The following FREM3 variants were observed in gnomAD, a reference collection of about 807,000 sequenced individuals.
The protein encoded by FREM3 is FRAS1 related extracellular matrix 3.
In FREM3, 105 loss-of-function variants were observed where a neutral mutation model predicts 129.1. The ratio of observed to expected loss-of-function variants is 0.81; its 90% CI spans 0.69 to 0.96. The LOEUF is 0.96. Among genes scored for constraint, FREM3 ranks in the 40% least tolerant of loss-of-function variants. The pLI, the probability that FREM3 is intolerant of heterozygous loss-of-function variation, is 0.00. For synonymous variants in FREM3, 1,014 were observed against 1,044.9 expected, an observed-to-expected ratio of 0.97 and a Z score of 0.57; for missense variants, 2,593 against 2,666.3, an observed-to-expected ratio of 0.97 and a Z score of 0.61.
Position 143,698,120 on chromosome 4 carries a change from C to A in FREM3, c.2556G>T (p.Leu852=). 6.5e-7 allele frequency: 1 copy of A among 1,537,452 alleles called. No homozygotes were observed. The highest frequency in any genetic ancestry group is 1.2e-5 in the South Asian group (1 of 84,060). Residue 852 remains leucine, a synonymous_variant, in exon 1 of 8, where the codon CTG becomes CTT. Transcript: ENST00000329798. ...TGTCTGTGTCTGGGTCTGTAACATG[C>A]AGCTCATTACTGCTGAGGTTAAAGC... is the stretch of plus-strand genomic sequence containing the variant. ...GGSFNLSSNE[L]HVTDPDTDID...
In FREM3 at chr4:143,618,022, A is replaced by G. The variant is rs150455266; in HGVS notation, c.5779+3015T>C. 1.2e-4 allele frequency among the ~76,000 whole-genome samples: 19 copies of G among 152,354 alleles called. No homozygotes were observed. In the East Asian group the frequency reaches 3.7e-3, roughly 29 times the overall value. ...AGTCTCTTAGATGTGAATGAAAGAG[A>G]TGAGATGGTAAACAGCCCAGTTGAA... On this transcript the variant is annotated intron_variant, in intron 5 of 7. Coordinates refer to ENST00000329798, the MANE Select transcript of FREM3 (RefSeq NM_001168235.2).
In FREM3 at chr4:143,698,714, T is replaced by C; in HGVS notation, c.1962A>G (p.Arg654=). The C allele has an allele frequency of 6.5e-7, 1 of 1,536,962 alleles. No homozygotes were observed. Among genetic ancestry groups the C allele is most frequent in the Non-Finnish European group, 8.7e-7 (1 of 1,146,860 alleles). Residue 654 remains arginine (R), a synonymous_variant, in exon 1 of 8, where the codon AGA becomes AGG. Coordinates refer to ENST00000329798, the MANE Select transcript of FREM3 (RefSeq NM_001168235.2). ...EWLQRDIMEG[R]LFYRHLGPHS... The stretch of plus-strand genomic sequence containing the variant: ...GTGGTCCAAGATGGCGGTAGAAGAG[T>C]CTCCCTTCCATTATGTCTCTCTGTA...
In FREM3 at chr4:143,695,586, T is replaced by C; in HGVS notation, c.5090A>G (p.His1697Arg). Residue 1697 changes from histidine to arginine, a missense_variant, in exon 1 of 8, where the codon CAC (histidine) becomes CGC (arginine). Around this residue, in one of 2 missense-constraint regions of FREM3, gnomAD observed 2,276 missense variants for 2,267.2 expected, o/e 1.00. Coordinates refer to ENST00000329798, the MANE Select transcript of FREM3 (RefSeq NM_001168235.2). ...GGTCACTTTATACTTCAGAAGCCTG[T>C]GGGGACTGTCCTGATCTTCTGCCTT... is the stretch of plus-strand genomic sequence containing the variant. ...SLKAEDQDSPHRLLKYKVTRG... is the reference protein window; with the variant it reads ...SLKAEDQDSPRRLLKYKVTRG... The C allele has an allele frequency of 6.5e-7, 1 of 1,537,380 alleles. No homozygotes were observed. The highest frequency in any genetic ancestry group is 8.7e-7 in the Non-Finnish European group (1 of 1,146,944).
In FREM3 at chr4:143,699,240, C is replaced by T; in HGVS notation, c.1436G>A (p.Gly479Glu). The T allele has an allele frequency of 6.5e-7, 1 of 1,537,282 alleles. No homozygotes were observed. The highest frequency in any genetic ancestry group is 8.7e-7 in the Non-Finnish European group (1 of 1,146,922). The change falls in exon 1 of 8, where the codon GGG becomes GAG. Residue 479 changes from glycine to glutamate, a missense_variant. By Grantham distance (98) the Gly-to-Glu change is moderately conservative. This residue lies in a region of FREM3 where 2,276 missense variants were observed against 2,267.2 expected (regional missense o/e 1.00). Transcript: ENST00000329798. The surrounding 1 kb of genome is among the most constrained non-coding windows in gnomAD (Gnocchi z 4.2). Reference protein sequence around the residue: ...KMAAVRGLRHGQLVVFGAPAG... With the variant: ...KMAAVRGLRHEQLVVFGAPAG... ...AGGTGCCCCAAACACCACCAGCTGC[C>T]CATGTCTCAAGCCCCTGACTGCAGC... is the stretch of plus-strand genomic sequence containing the variant.
At position 143,700,318 on chromosome 4, in the gene FREM3, C is replaced by A; in HGVS notation, c.358G>T (p.Gly120Trp). The A allele has an allele frequency of 6.5e-7, 1 of 1,535,062 alleles. No homozygotes were observed. The highest frequency in any genetic ancestry group is 8.7e-7 in the Non-Finnish European group (1 of 1,145,882). The stretch of plus-strand genomic sequence containing the variant: ...TGAGTGTACTGGACTTGGCGGGGCC[C>A]GAAGGTGCAGGGGAAGCGGCGCGGG... ...LSPRRFPCTFGPRQVQYTHFG... is the reference protein window; with the variant it reads ...LSPRRFPCTFWPRQVQYTHFG... Residue 120 changes from glycine to tryptophan, a missense_variant, in exon 1 of 8, where the codon GGG becomes TGG. Coordinates refer to ENST00000329798, the MANE Select transcript of FREM3 (RefSeq NM_001168235.2).
chr4:143,664,553 G>A (rs1739813940), intron 2 of FREM3, among the ~76,000 whole-genome samples: 1 of 152,156 alleles, frequency 6.6e-6, no homozygotes. Context: ...ACCCACTTGA[G>A]GAGGCAGTCT....
intron 6 of FREM3, among the ~76,000 whole-genome samples, chr4:143,588,640 T>C (rs1432556093): frequency 6.6e-6 from 1 of 151,918 alleles, no homozygotes; most frequent in African/African-American, 2.4e-5. Context: ...ATCCAGTCTA[T>C]CATTGTTGGA....
intron 2 of FREM3, among the ~76,000 whole-genome samples, chr4:143,673,881 C>G (rs75636851): frequency 6.6e-6 from 1 of 152,188 alleles, no homozygotes; most frequent in Non-Finnish European, 1.5e-5. Flanking sequence ...GGGTGTGGGA[C>G]CCTCCGAGCC....
In FREM3 at chr4:143,698,192, C is replaced by A. The variant is rs1034523122; in HGVS notation, c.2484G>T (p.Gln828His). The A allele has an allele frequency of 1.3e-6, 2 of 1,537,332 alleles. No individual in the cohort carries two copies. Among genetic ancestry groups the A allele is most frequent in the Non-Finnish European group, 1.7e-6 (2 of 1,146,958 alleles). ...FTLFLQPVDNQPPEVTNRGFA... is the reference protein window; with the variant it reads ...FTLFLQPVDNHPPEVTNRGFA... ...AGCCTCTGTTGGTGACTTCTGGGGG[C>A]TGGTTGTCCACAGGTTGCAGGAATA... is the stretch of plus-strand genomic sequence containing the variant. The change falls in exon 1 of 8, where the codon CAG becomes CAT. Residue 828 changes from glutamine to histidine, a missense_variant. Physicochemically the swap from Gln to His is conservative, Grantham distance 24. This residue lies in a region of FREM3 where 2,276 missense variants were observed against 2,267.2 expected (regional missense o/e 1.00). Coordinates refer to ENST00000329798, the MANE Select transcript of FREM3 (RefSeq NM_001168235.2).
chr4:143,659,711 G>A (rs1443655666), intron 2 of FREM3, among the ~76,000 whole-genome samples: 1 of 150,388 alleles, frequency 6.6e-6, no homozygotes, highest in South Asian at 2.1e-4. Flanking sequence ...GTGTAAAAGT[G>A]TTCCTATTTC....
chr4:143,623,625 C>CA (rs1290771061), intron 4 of FREM3, among the ~76,000 whole-genome samples: 18 of 149,504 alleles, frequency 1.2e-4, no homozygotes, highest in Non-Finnish European at 3.0e-5. Flanking sequence ...AGAATGAATA[C>CA]AAAAAACGAA....
intron 6 of FREM3, among the ~76,000 whole-genome samples, chr4:143,588,461 T>A (rs1560835077): frequency 6.6e-6 from 1 of 151,622 alleles, no homozygotes; most frequent in Non-Finnish European, 1.5e-5. Context: ...TTCTCATTGT[T>A]CAATTCCCAC....
Position 143,698,862 on chromosome 4 carries a change from T to A in FREM3, c.1814A>T (p.His605Leu). Residue 605 changes from histidine to leucine, a missense_variant, in exon 1 of 8, where the codon CAC becomes CTC. Physicochemically the swap from His to Leu is moderately conservative, Grantham distance 99 (BLOSUM62 -3). Transcript: ENST00000329798. Reference sequence around the variant, plus strand: ...CAGGTCCCCCAGGTAGTGGCCTGAGTGGGAGGAACCAGGGGCCAACTCCCA... The same window carrying A: ...CAGGTCCCCCAGGTAGTGGCCTGAGAGGGAGGAACCAGGGGCCAACTCCCA... ...PQWELAPGSSHSGHYLGDLLL... is the reference protein window; with the variant it reads ...PQWELAPGSSLSGHYLGDLLL... 1 of 1,537,512 alleles carries A rather than the reference T, an allele frequency of 6.5e-7. No homozygotes were observed. Among genetic ancestry groups the A allele is most frequent in the Non-Finnish European group, 8.7e-7 (1 of 1,146,932 alleles).
At chr4:143,590,782 T>C (rs1361410540) in intron 6 of FREM3, among the ~76,000 whole-genome samples, 4 of 152,198 alleles carry the variant, frequency 2.6e-5, no homozygotes, top group African/African-American at 9.7e-5. Flanking sequence ...TCCCTCTTTT[T>C]CTATTGATTG....
rs78419935 is a variant in FREM3, at chr4:143,649,219, A to C, written c.5276-21459T>G. Reference sequence around the variant, plus strand: ...CATTGTAAAGTTTTAAATGGATTCTATTGCAGTCATAGATTCTGCCTTACC... The same window carrying C: ...CATTGTAAAGTTTTAAATGGATTCTCTTGCAGTCATAGATTCTGCCTTACC... On this transcript the variant is annotated intron_variant, in intron 2 of 7. Transcript: ENST00000329798. 9.2e-5 allele frequency: 14 copies of C among 152,366 alleles called. No individual in the cohort carries two copies. In the East Asian group the frequency reaches 1.9e-3, roughly 21 times the overall value. 9.4% of individuals were successfully genotyped at this position (152,366 alleles called of 1,614,324 possible). A position where few individuals can be genotyped will look rare whatever the true frequency, so the allele number is the denominator to read the frequency against.
chr4:143,669,460 T>C (rs1272500409), intron 2 of FREM3, among the ~76,000 whole-genome samples: 4 of 152,086 alleles, frequency 2.6e-5, no homozygotes, highest in Non-Finnish European at 5.9e-5. Flanking sequence ...AAACAATTTT[T>C]TTTTTTTGGT....
chr4:143,610,395 T>C (rs1179538167), intron 6 of FREM3, among the ~76,000 whole-genome samples: 1 of 152,204 alleles, frequency 6.6e-6, no homozygotes, highest in Admixed American at 6.5e-5. Context: ...CTGGAGAGTA[T>C]AAACTGTTCA....
intron 3 of FREM3, among the ~76,000 whole-genome samples, chr4:143,626,223 G>T (rs1290639784): frequency 2.0e-5 from 3 of 152,120 alleles, no homozygotes; most frequent in Non-Finnish European, 4.4e-5. Context: ...ACAAATATTG[G>T]TGACTACCAT....
chr4:143,648,511 T>A (rs1252425949), intron 2 of FREM3, among the ~76,000 whole-genome samples: 1 of 152,184 alleles, frequency 6.6e-6, no homozygotes, highest in African/African-American at 2.4e-5. Context: ...GATAAGTGAA[T>A]CATGGGGGGG....
Sources: gnomAD v4.1 joint callset for allele counts (sites outside exome capture counted in the v4.1 genomes callset) on GRCh38, gnomAD v4.1.1 for gene constraint, gnomAD v4.1.1 regional missense constraint, Gnocchi (gnomAD v3.1) non-coding constraint, MANE v1.5 for transcripts, NCBI Gene and HGNC (gene_info 2026-07-23, HGNC 2026-07-21) for gene names.